TTK: variants seen among roughly 807,000 people sequenced by gnomAD.
TTK encodes the protein dual specificity protein kinase TTK.
Under a neutral mutation model 117.3 loss-of-function variants are expected in TTK, and 59 were observed. The observed-to-expected ratio is 0.50, with a 90% CI of 0.41 to 0.62. TTK has a LOEUF of 0.62. Ranked by LOEUF, TTK falls within the 20% of genes least tolerant of loss-of-function variation. The probability of loss-of-function intolerance (pLI) is 0.00; values close to 1 mark genes in which losing one functional copy is unlikely to be tolerated. For synonymous variants in TTK, 302 were observed against 325.0 expected (o/e 0.93, Z 0.76); for missense variants, 921 against 989.4 (o/e 0.93, Z 0.93).
At chr6:80,015,001 G>A (rs898118054) in intron 10 of TTK, among the ~76,000 whole-genome samples, 1 of 152,160 alleles carries the variant, frequency 6.6e-6, no homozygotes, top group Non-Finnish European at 1.5e-5. Context: ...GCAGTTCAGT[G>A]TGGAAGATAC....
chr6:80,024,925 A>G (rs1052031948), intron 11 of TTK, among the ~76,000 whole-genome samples: 2 of 152,000 alleles, frequency 1.3e-5, no homozygotes, highest in African/African-American at 2.4e-5. Context: ...ACTTACTCTC[A>G]TCTCTGAATG....
intron 12 of TTK, 110 bp from the exon 13 acceptor site, chr6:80,027,775 T>A: frequency 1.3e-6 from 1 of 743,324 alleles, no homozygotes; most frequent in Non-Finnish European, 2.0e-6. Flanking sequence ...ACTTGGGTTC[T>A]GTTTGATGTA....
chr6:80,016,658 A>G (rs1301873620), intron 10 of TTK, among the ~76,000 whole-genome samples: 1 of 152,168 alleles, frequency 6.6e-6, no homozygotes, highest in South Asian at 2.1e-4. Flanking sequence ...GGGAAAACGC[A>G]TAATTATTTT....
chr6:80,006,010 T>G, intron 2 of TTK, 28 bp downstream of exon 2: 1 of 1,593,300 alleles, frequency 6.3e-7, no homozygotes, highest in Non-Finnish European at 8.5e-7. Flanking sequence ...TTTAAGTTAG[T>G]AACTGTTTGT....
chr6:80,038,883 T>TAC (rs1562026528), intron 18 of TTK, among the ~76,000 whole-genome samples: 2 of 152,140 alleles, frequency 1.3e-5, no homozygotes, highest in African/African-American at 4.8e-5. Flanking sequence ...TTCATTTGCT[T>TAC]TACAACTTGA....
At chr6:80,021,763 C>A (rs942543286) in intron 10 of TTK, among the ~76,000 whole-genome samples, 2 of 152,102 alleles carry the variant, frequency 1.3e-5, no homozygotes, top group Non-Finnish European at 2.9e-5. Flanking sequence ...GAAACTCCCC[C>A]CATGCAAGAG....
intron 4 of TTK, among the ~76,000 whole-genome samples, chr6:80,009,865 T>G (rs1377299969): frequency 1.3e-5 from 2 of 152,088 alleles, no homozygotes; most frequent in Admixed American, 6.6e-5. Context: ...TTTACCAGAT[T>G]CTTAAAGAAA....
chr6:80,033,680 G>A (rs1767815985), intron 14 of TTK, among the ~76,000 whole-genome samples: 2 of 152,144 alleles, frequency 1.3e-5, no homozygotes, highest in South Asian at 2.1e-4. Context: ...AAGTTTTACT[G>A]TAATTTCCTA....
intron 14 of TTK, 26 bp from the exon 15 acceptor site, chr6:80,034,959 A>G (rs537348445): frequency 1.6e-5 from 24 of 1,470,278 alleles, no homozygotes; most frequent in Non-Finnish European, 2.2e-5. Context: ...AGTATATTCT[A>G]AACTTCTCTT....
chr6:80,023,413 G>A (rs1232159226), intron 11 of TTK, among the ~76,000 whole-genome samples: 1 of 152,176 alleles, frequency 6.6e-6, no homozygotes, highest in African/African-American at 2.4e-5. Flanking sequence ...CTAACATGGT[G>A]AAACCCTGTC....
chr6:80,034,613 C>G (rs1350294655), intron 14 of TTK, among the ~76,000 whole-genome samples: 1 of 152,180 alleles, frequency 6.6e-6, no homozygotes, highest in Non-Finnish European at 1.5e-5. Context: ...AAGGAGCAAA[C>G]TACTGCACCA....
At chr6:80,032,071 G>A (rs577763114) in intron 14 of TTK, among the ~76,000 whole-genome samples, 5 of 152,154 alleles carry the variant, frequency 3.3e-5, no homozygotes, top group African/African-American at 1.2e-4. Context: ...TGGATAGAAG[G>A]CATCTTAAGC....
At chr6:80,017,275 T>C (rs1023618044) in intron 10 of TTK, among the ~76,000 whole-genome samples, 1 of 152,046 alleles carries the variant, frequency 6.6e-6, no homozygotes, top group Non-Finnish European at 1.5e-5. Flanking sequence ...TCTATATTCA[T>C]TTTTGTCTTT....
At chr6:80,019,255 A>C (rs2127674129) in intron 10 of TTK, among the ~76,000 whole-genome samples, 1 of 152,302 alleles carries the variant, frequency 6.6e-6, no homozygotes, top group South Asian at 2.1e-4. Context: ...AACTGACTTA[A>C]GTCCGGCTGC....
chr6:80,035,464 TA>T, intron 16 of TTK, 47 bp downstream of exon 16: 1 of 1,528,400 alleles, frequency 6.5e-7, no homozygotes, highest in Non-Finnish European at 8.8e-7. Context: ...TCTTTGTTAA[TA>T]GTGTCATCTT....
chr6:80,007,189 A>G (rs997455241), intron 2 of TTK, among the ~76,000 whole-genome samples: 5 of 152,172 alleles, frequency 3.3e-5, no homozygotes, highest in African/African-American at 4.8e-5. Context: ...CACGGTAACT[A>G]TGAGTTTGTT....
At chr6:80,015,765 A>G (rs539039988) in intron 10 of TTK, among the ~76,000 whole-genome samples, 1 of 152,308 alleles carries the variant, frequency 6.6e-6, no homozygotes, top group East Asian at 1.9e-4. Context: ...TGTCTACACT[A>G]TACCAGTAAT....
At chr6:80,024,315 T>C (rs1767547254) in intron 11 of TTK, among the ~76,000 whole-genome samples, 1 of 152,232 alleles carries the variant, frequency 6.6e-6, no homozygotes, top group African/African-American at 2.4e-5. Context: ...TAAATATTCA[T>C]AGCAGCATTT....
chr6:80,031,220 T>C lies in TTK; in HGVS notation c.1522-247T>C, dbSNP rs558265698. On this transcript the variant is annotated intron_variant, in intron 13 of 21. Transcript: ENST00000369798. ...GTTTGCAGATTGCATATTAAGTGGT[T>C]TTTTCCTCCTTAAATTTTCTTTTTA... Among the ~76,000 whole-genome samples the C allele has an allele frequency of 1.3e-3, 196 of 151,824 alleles. 1 individual carries two copies. Among genetic ancestry groups the C allele is most frequent in the African/African-American group, 4.7e-3 (194 of 41,542 alleles).
Sources: allele counts gnomAD v4.1 joint callset (sites outside exome capture counted in the v4.1 genomes callset), GRCh38; gene constraint gnomAD v4.1.1; transcripts MANE v1.5; gene names NCBI Gene and HGNC (gene_info 2026-07-23, HGNC 2026-07-21).